Variants in DEAF1 observed in about 807,000 individuals in gnomAD.
DEAF1 encodes deformed epidermal autoregulatory factor 1 homolog.
In DEAF1, 53 loss-of-function variants were observed where a neutral mutation model predicts 58.9. The observed-to-expected ratio is 0.90, with a 90% CI of 0.72 to 1.13. The LOEUF (loss-of-function observed/expected upper bound fraction) is 1.13, where lower values mean the gene tolerates loss of function less well. Ranked by LOEUF, DEAF1 falls within the 50% of genes most tolerant of loss-of-function variation. DEAF1 has a pLI of 0.00. For synonymous variants in DEAF1, 385 were observed against 340.4 expected (o/e 1.13, Z -1.44); for missense variants, 685 against 791.4 (o/e 0.87, Z 1.61).
rs1387493127 is a variant in DEAF1, at chr11:675,927, C to G, written c.1256-1144G>C. 6.6e-5 allele frequency among the ~76,000 whole-genome samples: 8 copies of G among 120,420 alleles called. No homozygotes were observed. In the East Asian group the frequency reaches 2.4e-3, roughly 36 times the overall value. 79.0% of individuals were successfully genotyped at this position (120,420 alleles called of 152,430 possible). A position where few individuals can be genotyped will look rare whatever the true frequency, so the allele number is the denominator to read the frequency against. On this transcript the variant is annotated intron_variant, in intron 9 of 11. Coordinates refer to ENST00000382409, the MANE Select transcript of DEAF1 (RefSeq NM_021008.4). ...GACATCCCCCCAGCACCTGACACCC[C>G]CCAGCACCTGACATCCCCCAGCACG...
At chr11:650,944 T>C (rs1313094987) in intron 11 of DEAF1, among the ~76,000 whole-genome samples, 1 of 151,968 alleles carries the variant, frequency 6.6e-6, no homozygotes. Context: ...AGGTGGAGTG[T>C]CTATGCTACT....
rs775684873 is a variant in DEAF1 at position 654,629 on chromosome 11, C to T, written c.1504-578G>A. On this transcript the variant is annotated intron_variant, in intron 10 of 11. Coordinates refer to ENST00000382409, the MANE Select transcript of DEAF1 (RefSeq NM_021008.4). ...GCGGCTCATACCTGTAATCCCAGGA[C>T]TTTGGGCAGCCGAGGCGGGTGGATC... is the stretch of plus-strand genomic sequence containing the variant. 39 of 455,118 alleles carry T rather than the reference C, an allele frequency of 8.6e-5. 1 individual carries two copies. Among genetic ancestry groups the T allele is most frequent in the Non-Finnish European group, 8.8e-6 (2 of 226,774 alleles). 28.2% of individuals were successfully genotyped at this position (455,118 alleles called of 1,614,324 possible). A position where few individuals can be genotyped will look rare whatever the true frequency, so the allele number is the denominator to read the frequency against.
At chr11:655,843 A>G (rs28717047) in intron 10 of DEAF1, among the ~76,000 whole-genome samples, 1 of 131,620 alleles carries the variant, frequency 7.6e-6, no homozygotes, top group African/African-American at 2.5e-5. Flanking sequence ...TATTATTATT[A>G]TTTTTTTGAG....
At chr11:679,994 C>A in intron 7 of DEAF1, 178 bp from the exon 8 acceptor site, 3 of 775,214 alleles carry the variant, frequency 3.9e-6, no homozygotes, top group Non-Finnish European at 4.0e-6. Flanking sequence ...GAAGACCTCA[C>A]AGGAGAAAAC....
At chr11:683,036 C>A (rs1279279599) in intron 6 of DEAF1, among the ~76,000 whole-genome samples, 1 of 152,176 alleles carries the variant, frequency 6.6e-6, no homozygotes, top group East Asian at 1.9e-4. Flanking sequence ...ACAATCCTCA[C>A]TGCCCTTTCC....
chr11:657,111 C>T (rs886237185), intron 10 of DEAF1, among the ~76,000 whole-genome samples: 2 of 129,448 alleles, frequency 1.5e-5, no homozygotes, highest in Non-Finnish European at 3.5e-5. Context: ...GCACCGGACC[C>T]ACCTGGCACC....
intron 11 of DEAF1, among the ~76,000 whole-genome samples, chr11:650,486 TAGA>T (rs1388566101): frequency 6.6e-6 from 1 of 150,768 alleles, no homozygotes; most frequent in Non-Finnish European, 1.5e-5. Context: ...GACACAAAAT[TAGA>T]AGTAACAAGA....
chr11:682,816 C>T (rs1045069964), intron 6 of DEAF1, among the ~76,000 whole-genome samples: 7 of 152,164 alleles, frequency 4.6e-5, no homozygotes, highest in African/African-American at 1.4e-4. Flanking sequence ...GATTTTCAGT[C>T]ACACTTCCCA....
At chr11:703,820 G>T (rs1861607655) in intron 1 of DEAF1, 1 of 1,234,446 alleles carries the variant, frequency 8.1e-7, no homozygotes, top group African/African-American at 1.5e-5. Context: ...GGAGAGGTCA[G>T]GGCTAAGGCC....
intron 1 of DEAF1, chr11:704,551 G>A (rs1381912147): frequency 7.8e-7 from 1 of 1,289,348 alleles, no homozygotes; most frequent in East Asian, 5.6e-5. Flanking sequence ...AGACCAGCTG[G>A]GCACACCTGC....
chr11:684,018 C>T (rs771019846), intron 6 of DEAF1, among the ~76,000 whole-genome samples: 3 of 152,106 alleles, frequency 2.0e-5, no homozygotes, highest in Non-Finnish European at 4.4e-5. Flanking sequence ...TTTACGTTCA[C>T]AAAATTGTTT....
chr11:695,059 C>A lies in DEAF1; in HGVS notation c.-12G>T. The A allele has an allele frequency of 6.9e-7, 1 of 1,440,562 alleles. No homozygotes were observed. Among genetic ancestry groups the A allele is most frequent in the Non-Finnish European group, 9.1e-7 (1 of 1,098,082 alleles). 89.2% of individuals were successfully genotyped at this position (1,440,562 alleles called of 1,614,324 possible). A position where few individuals can be genotyped will look rare whatever the true frequency, so the allele number is the denominator to read the frequency against. ...TCCGAGTCCTCCATCCGGACTCCGC[C>A]GAGCCTTCCCGAAGGCGCCGTCCGG... is the stretch of plus-strand genomic sequence containing the variant. On this transcript the variant is annotated 5_prime_UTR_variant, in exon 1 of 12. Transcript: ENST00000382409.
At chr11:691,676 A>T (rs1860841557) in intron 1 of DEAF1, 78 bp from the exon 2 acceptor site, 1 of 1,285,164 alleles carries the variant, frequency 7.8e-7, no homozygotes, top group South Asian at 1.2e-5. Context: ...CAGGTGCTTC[A>T]AACAAAGTGA....
chr11:678,860 T>C (rs368527828), intron 8 of DEAF1, 38 bp from the exon 9 acceptor site: 4 of 1,611,838 alleles, frequency 2.5e-6, no homozygotes, highest in African/African-American at 1.3e-5. Flanking sequence ...CTCGGGATGG[T>C]TGTCCGCACA....
chr11:644,497 A>G lies in DEAF1; in HGVS notation c.*53T>C. The stretch of plus-strand genomic sequence containing the variant: ...TCCTCAGGGGGGCCTTCGACCTGCA[A>G]AAGCCTCACAGGAGTGCGAGGGGCC... On this transcript the variant is annotated 3_prime_UTR_variant, in exon 12 of 12. Transcript: ENST00000382409. The surrounding 1 kb of genome is among the most constrained non-coding windows in gnomAD (Gnocchi z 4.3). The G allele has an allele frequency of 6.8e-7, 1 of 1,460,630 alleles. No homozygotes were observed. The highest frequency in any genetic ancestry group is 2.3e-5 in the East Asian group (1 of 43,562). The allele number at this position is 1,460,630 out of a possible 1,614,324, so 90.5% of individuals were successfully genotyped here.
Position 688,876 on chromosome 11 carries a change from C to T in DEAF1, c.388-416G>A, listed in dbSNP as rs925194182. On this transcript the variant is annotated intron_variant, in intron 2 of 11. Coordinates refer to ENST00000382409, the MANE Select transcript of DEAF1 (RefSeq NM_021008.4). This position sits in a 1 kb window ranked among gnomAD's most constrained non-coding sequence, Gnocchi z 4.3. ...CCTCCTTACAGATGGCAACTGGAGACCAGGGCCTCAAAACCACATTTCCAC... is the reference window on the plus strand; with the variant it reads ...CCTCCTTACAGATGGCAACTGGAGATCAGGGCCTCAAAACCACATTTCCAC... Among the ~76,000 whole-genome samples, 11 of 152,178 alleles carry T rather than the reference C, an allele frequency of 7.2e-5. No individual in the cohort carries two copies. The highest frequency in any genetic ancestry group is 2.7e-4 in the African/African-American group (11 of 41,436).
intron 1 of DEAF1, among the ~76,000 whole-genome samples, chr11:705,956 G>A (rs977929074): frequency 2.0e-5 from 3 of 152,216 alleles, no homozygotes; most frequent in Non-Finnish European, 4.4e-5. Flanking sequence ...AGCTCTAGGG[G>A]CTAGGCCCGC....
rs555623213 is a variant in DEAF1 at position 695,122 on chromosome 11, G to A, written c.-75C>T. On this transcript the variant is annotated 5_prime_UTR_variant, in exon 1 of 12. Transcript: ENST00000382409. ...CGCCGGTCGCGGAGCCCGAAGCGGG[G>A]CCCGAAGAGGACGCCCGAGCTGGGC... The A allele has an allele frequency of 1.2e-4, 165 of 1,323,554 alleles. 1 individual carries two copies. The South Asian group carries it at 2.4e-3, about 19-fold the overall frequency. 82.0% of individuals were successfully genotyped at this position (1,323,554 alleles called of 1,614,324 possible).
chr11:652,777 A>G (rs954659628), intron 11 of DEAF1, among the ~76,000 whole-genome samples: 16 of 152,112 alleles, frequency 1.1e-4, no homozygotes, highest in Non-Finnish European at 8.8e-5. Context: ...GAGAAAAAAA[A>G]ACCATCAAAA....
Sources: gnomAD v4.1 joint callset for allele counts (sites outside exome capture counted in the v4.1 genomes callset) on GRCh38, gnomAD v4.1.1 for gene constraint, Gnocchi (gnomAD v3.1) non-coding constraint, MANE v1.5 for transcripts, NCBI Gene and HGNC (gene_info 2026-07-23, HGNC 2026-07-21) for gene names.